Variants in FCHSD2 observed in about 807,000 individuals in gnomAD.
The protein encoded by FCHSD2 is FCH and double SH3 domains 2.
FCHSD2 carries 38 observed loss-of-function variants against 108.1 expected under a neutral mutation model. The observed-to-expected ratio is 0.35, with a 90% confidence interval of 0.27 to 0.46. FCHSD2 has a LOEUF of 0.46. Among genes scored for constraint, FCHSD2 ranks in the 20% least tolerant of loss-of-function variants. FCHSD2 has a pLI of 1.00. For synonymous variants in FCHSD2, 279 were observed against 314.7 expected, an observed-to-expected ratio of 0.89 and a Z score of 1.20; for missense variants, 751 against 897.8, an observed-to-expected ratio of 0.84 and a Z score of 2.09.
intron 2 of FCHSD2, among the ~76,000 whole-genome samples, chr11:73,099,026 C>T (rs1321841227): frequency 1.3e-5 from 2 of 152,054 alleles, no homozygotes; most frequent in Non-Finnish European, 2.9e-5. Context: ...CCAGCCTGGC[C>T]CACATAGTAA....
At chr11:73,099,384 C>A (rs561259922) in intron 2 of FCHSD2, among the ~76,000 whole-genome samples, 1 of 152,302 alleles carries the variant, frequency 6.6e-6, no homozygotes, top group East Asian at 1.9e-4. Context: ...CTACAGAAAA[C>A]AGCTTGGCAG....
At chr11:72,975,166 GAAT>G (rs1489724251) in intron 8 of FCHSD2, among the ~76,000 whole-genome samples, 1 of 152,118 alleles carries the variant, frequency 6.6e-6, no homozygotes, top group Non-Finnish European at 1.5e-5. Context: ...CTTTATGGCT[GAAT>G]AATATTTCAT....
chr11:73,070,749 A>G lies in FCHSD2; in HGVS notation c.165+12946T>C, dbSNP rs188481358. On this transcript the variant is annotated intron_variant, in intron 3 of 19. Coordinates refer to ENST00000409418, the MANE Select transcript of FCHSD2 (RefSeq NM_014824.3). ...CCTAAATGTCAAATTAAAAAAAAAA[A>G]AGAAATTGAACAAGTTATTAAGTGA... Among the ~76,000 whole-genome samples, 4 of 152,038 alleles carry G rather than the reference A, an allele frequency of 2.6e-5. No individual in the cohort carries two copies. The East Asian group carries it at 7.7e-4, about 29-fold the overall frequency.
intron 2 of FCHSD2, among the ~76,000 whole-genome samples, chr11:73,094,004 A>G (rs1308480713): frequency 6.6e-6 from 1 of 152,110 alleles, no homozygotes; most frequent in Non-Finnish European, 1.5e-5. Flanking sequence ...TGAGGTCAGG[A>G]GTTCAAGCCC....
chr11:73,044,772 T>C (rs991868837), intron 3 of FCHSD2, among the ~76,000 whole-genome samples: 1 of 152,082 alleles, frequency 6.6e-6, no homozygotes, highest in African/African-American at 2.4e-5. Context: ...ATAAAAATCA[T>C]CTAACACTAA....
chr11:72,885,783 A>G (rs1274346480), intron 12 of FCHSD2, among the ~76,000 whole-genome samples: 1 of 152,160 alleles, frequency 6.6e-6, no homozygotes, highest in Non-Finnish European at 1.5e-5. Flanking sequence ...GCTTGCCAAC[A>G]CTACTTGGCC....
intron 3 of FCHSD2, among the ~76,000 whole-genome samples, chr11:73,043,964 T>C (rs1214538597): frequency 2.0e-5 from 3 of 152,190 alleles, no homozygotes; most frequent in African/African-American, 4.8e-5. Context: ...TTCACCAATT[T>C]TGGCAACAAA....
intron 8 of FCHSD2, among the ~76,000 whole-genome samples, chr11:72,962,721 A>C (rs1197184175): frequency 6.6e-6 from 1 of 152,142 alleles, no homozygotes; most frequent in Non-Finnish European, 1.5e-5. Flanking sequence ...TAATTTAAAA[A>C]ATACCAATAA....
intron 3 of FCHSD2, among the ~76,000 whole-genome samples, chr11:73,034,190 T>C (rs1422763856): frequency 6.6e-6 from 1 of 152,214 alleles, no homozygotes; most frequent in Non-Finnish European, 1.5e-5. Flanking sequence ...ACCCATCATC[T>C]AGGTTTTAAG....
At chr11:73,041,990 GA>G (rs1157712805) in intron 3 of FCHSD2, among the ~76,000 whole-genome samples, 2 of 152,106 alleles carry the variant, frequency 1.3e-5, no homozygotes, top group Non-Finnish European at 2.9e-5. Context: ...GCAGTGGCGC[GA>G]TCTCAGCTCA....
At position 72,840,947 on chromosome 11, in the gene FCHSD2, T is replaced by A. The variant is rs776775518; in HGVS notation, c.2069A>T (p.His690Leu). The A allele has an allele frequency of 1.7e-5, 28 of 1,612,742 alleles. No homozygotes were observed. In the Admixed American group the frequency reaches 2.7e-4, roughly 15 times the overall value. The change falls in exon 19 of 20, where the codon CAT becomes CTT. Residue 690 changes from histidine (H) to leucine (L), a missense_variant. By Grantham distance (99) the His-to-Leu change is moderately conservative. Transcript: ENST00000409418. The stretch of plus-strand genomic sequence containing the variant: ...CTGTGAGAATCCTGGTGACTCAGCA[T>A]GAAGGCTTTTTTCTAAGGGAGAAAA... ...RSPSANEKSLHAESPGFSQAS... is the reference protein window; with the variant it reads ...RSPSANEKSLLAESPGFSQAS...
chr11:73,052,300 A>G (rs1858919856), intron 3 of FCHSD2, among the ~76,000 whole-genome samples: 1 of 152,190 alleles, frequency 6.6e-6, no homozygotes, highest in Non-Finnish European at 1.5e-5. Flanking sequence ...TGATGGTGCA[A>G]TTGTAATGAC....
At chr11:73,067,017 A>G (rs564012068) in intron 3 of FCHSD2, among the ~76,000 whole-genome samples, 4 of 152,242 alleles carry the variant, frequency 2.6e-5, no homozygotes, top group Non-Finnish European at 5.9e-5. Context: ...TCATTCTACT[A>G]TAAAGACACA....
chr11:72,989,387 T>C (rs990008881), intron 5 of FCHSD2, among the ~76,000 whole-genome samples: 7 of 152,318 alleles, frequency 4.6e-5, no homozygotes, highest in Admixed American at 2.0e-4. Flanking sequence ...GAAGAGCAAC[T>C]ATGAAAAATG....
chr11:72,968,008 G>A (rs1440367930), intron 8 of FCHSD2, among the ~76,000 whole-genome samples: 6 of 151,030 alleles, frequency 4.0e-5, no homozygotes, highest in South Asian at 2.1e-4. Context: ...GGAGAACGGC[G>A]TGAACCTGGG....
rs1053841071 is a variant in FCHSD2, at chr11:72,983,967, A to G, written c.705+121T>C. 87 of 770,756 alleles carry G rather than the reference A, an allele frequency of 1.1e-4. No homozygotes were observed. The African/African-American group carries it at 1.4e-3, about 13-fold the overall frequency. 47.7% of individuals were successfully genotyped at this position (770,756 alleles called of 1,614,324 possible). A position where few individuals can be genotyped will look rare whatever the true frequency, so the allele number is the denominator to read the frequency against. On this transcript the variant is annotated intron_variant, in intron 8 of 19. Coordinates refer to ENST00000409418, the MANE Select transcript of FCHSD2 (RefSeq NM_014824.3). ...TCCAAACAATAACAAGTATATTCCA[A>G]TGAGATGCAACATAGCCTGGCTACT... is the stretch of plus-strand genomic sequence containing the variant.
intron 10 of FCHSD2, 34 bp downstream of exon 10, chr11:72,902,509 C>T: frequency 7.0e-7 from 1 of 1,426,606 alleles, no homozygotes. Flanking sequence ...CACAACTGAA[C>T]AACACATGAA....
chr11:73,141,944 C>T lies in FCHSD2; in HGVS notation c.-67G>A. 1.4e-6 allele frequency: 2 copies of T among 1,475,412 alleles called. No homozygotes were observed. Among genetic ancestry groups the T allele is most frequent in the South Asian group, 2.4e-5 (2 of 81,970 alleles). The allele number at this position is 1,475,412 out of a possible 1,614,324, so 91.4% of individuals were successfully genotyped here. A position where few individuals can be genotyped will look rare whatever the true frequency, so the allele number is the denominator to read the frequency against. On this transcript the variant is annotated 5_prime_UTR_variant, in exon 1 of 20. Coordinates refer to ENST00000409418, the MANE Select transcript of FCHSD2 (RefSeq NM_014824.3). ...CAAGGACCAGGAGGAGGAGGAGGGC[C>T]GGAGAGGAGGGGACGGCCCAGCGAG...
At chr11:73,140,254 A>C in intron 1 of FCHSD2, 126 bp from the exon 2 acceptor site, 2 of 527,226 alleles carry the variant, frequency 3.8e-6, no homozygotes, top group Non-Finnish European at 6.7e-6. Flanking sequence ...TAAATCCAAT[A>C]TTCGCCATCT....
Sources: allele counts gnomAD v4.1 joint callset (sites outside exome capture counted in the v4.1 genomes callset), GRCh38; gene constraint gnomAD v4.1.1; transcripts MANE v1.5; gene names NCBI Gene and HGNC (gene_info 2026-07-23, HGNC 2026-07-21).